The following PXDNL variants were observed in gnomAD, a reference collection of about 807,000 sequenced individuals.
PXDNL encodes the protein probable oxidoreductase PXDNL.
PXDNL carries 145 observed loss-of-function variants against 150.8 expected under a neutral mutation model. The observed-to-expected ratio is 0.96, with a 90% CI of 0.84 to 1.10. PXDNL has a LOEUF of 1.10. Among genes scored for constraint, PXDNL ranks in the 50% least tolerant of loss-of-function variants. PXDNL has a pLI of 0.00. For missense variants in PXDNL, 2,087 were observed against 1,873.9 expected, an observed-to-expected ratio of 1.11 and a Z score of -2.10; for synonymous variants, 757 against 725.7, an observed-to-expected ratio of 1.04 and a Z score of -0.69.
At chr8:51,549,197 T>C (rs1422562581) in intron 4 of PXDNL, among the ~76,000 whole-genome samples, 1 of 151,990 alleles carries the variant, frequency 6.6e-6, no homozygotes, top group African/African-American at 2.4e-5. Context: ...TTACTAGACC[T>C]AAGAAATGAG....
intron 1 of PXDNL, among the ~76,000 whole-genome samples, chr8:51,668,174 C>CTTTTTTTTTTTTT (rs1447281482): frequency 3.2e-4 from 7 of 21,724 alleles, no homozygotes; most frequent in Non-Finnish European, 2.9e-4. Context: ...TTCTCGCTCT[C>CTTTTTTTTTTTTT]TCTTTTTTTT....
chr8:51,365,779 A>C (rs1806896804), intron 19 of PXDNL, among the ~76,000 whole-genome samples: 1 of 152,204 alleles, frequency 6.6e-6, no homozygotes, highest in Non-Finnish European at 1.5e-5. Flanking sequence ...TCACATGCTC[A>C]CCTAAGTGAG....
intron 1 of PXDNL, among the ~76,000 whole-genome samples, chr8:51,727,866 G>C (rs546767131): frequency 2.6e-5 from 4 of 152,288 alleles, no homozygotes; most frequent in Admixed American, 2.0e-4. Context: ...TGCCGGTTTT[G>C]ACTGCTCCCA....
chr8:51,390,944 G>A (rs1807884054), intron 17 of PXDNL, among the ~76,000 whole-genome samples: 1 of 151,608 alleles, frequency 6.6e-6, no homozygotes, highest in Non-Finnish European at 1.5e-5. Context: ...CCCTTCCTGT[G>A]TCCATGTGTT....
At chr8:51,759,588 G>A (rs947011910) in intron 1 of PXDNL, among the ~76,000 whole-genome samples, 12 of 152,226 alleles carry the variant, frequency 7.9e-5, no homozygotes, top group African/African-American at 2.9e-4. Flanking sequence ...CCTCAGGCAA[G>A]AATGACTGAT....
chr8:51,328,142 C>T (rs1180162483), intron 21 of PXDNL, among the ~76,000 whole-genome samples: 2 of 152,230 alleles, frequency 1.3e-5, no homozygotes, highest in African/African-American at 4.8e-5. Context: ...ACTGACTTCT[C>T]CAGCAGATGG....
intron 2 of PXDNL, among the ~76,000 whole-genome samples, chr8:51,606,708 C>T (rs995342961): frequency 1.3e-4 from 20 of 151,840 alleles, no homozygotes; most frequent in Non-Finnish European, 7.4e-5. Flanking sequence ...TATGATATAT[C>T]TTTATCTAAT....
At chr8:51,497,131 C>T (rs1811070489) in intron 5 of PXDNL, among the ~76,000 whole-genome samples, 1 of 152,042 alleles carries the variant, frequency 6.6e-6, no homozygotes, top group Non-Finnish European at 1.5e-5. Context: ...AATAATGCCG[C>T]ATATCTACAA....
intron 2 of PXDNL, among the ~76,000 whole-genome samples, chr8:51,601,151 A>G (rs114036969): frequency 0.011 from 1,717 of 151,710 alleles, 13 homozygotes; most frequent in South Asian, 0.026. Flanking sequence ...CATATGGTCA[A>G]TCTTGGAGTA....
At chr8:51,746,875 C>T (rs1366916210) in intron 1 of PXDNL, among the ~76,000 whole-genome samples, 1 of 151,844 alleles carries the variant, frequency 6.6e-6, no homozygotes, top group Non-Finnish European at 1.5e-5. Flanking sequence ...GTGCACGCCA[C>T]CACACCCAGT....
Position 51,409,423 on chromosome 8 carries a change from C to T in PXDNL, c.2201G>A (p.Cys734Tyr). ...HAKYRAHDGTCNNLQQPTWGA... is the reference protein window; with the variant it reads ...HAKYRAHDGTYNNLQQPTWGA... The stretch of plus-strand genomic sequence containing the variant: ...CCACGTGGGCTGCTGCAGGTTGTTG[C>T]ACGTGCCGTCGTGGGCGCGGTACTT... Residue 734 changes from cysteine (C) to tyrosine (Y), a missense_variant, in exon 17 of 23, where the codon TGC becomes TAC. Coordinates refer to ENST00000356297, the MANE Select transcript of PXDNL (RefSeq NM_144651.5). The T allele has an allele frequency of 6.2e-7, 1 of 1,612,094 alleles. No homozygotes were observed. The highest frequency in any genetic ancestry group is 8.5e-7 in the Non-Finnish European group (1 of 1,179,576).
intron 13 of PXDNL, 37 bp from the exon 14 acceptor site, chr8:51,423,768 G>A (rs1228810723): frequency 1.3e-6 from 2 of 1,564,586 alleles, no homozygotes; most frequent in East Asian, 4.6e-5. Context: ...GAATGAGTGT[G>A]GTTCCTTAAA....
At chr8:51,412,589 A>C (rs1224844434) in intron 15 of PXDNL, among the ~76,000 whole-genome samples, 2 of 152,240 alleles carry the variant, frequency 1.3e-5, no homozygotes, top group Non-Finnish European at 2.9e-5. Context: ...CTTTTTGACC[A>C]CTAACTGCAA....
chr8:51,680,967 C>A (rs1222622863), intron 1 of PXDNL, among the ~76,000 whole-genome samples: 1 of 135,370 alleles, frequency 7.4e-6, no homozygotes, highest in East Asian at 2.2e-4. Flanking sequence ...GGGATTTGCC[C>A]AGAAAAGTCA....
intron 21 of PXDNL, among the ~76,000 whole-genome samples, chr8:51,336,318 T>C (rs1417219878): frequency 6.6e-6 from 1 of 152,244 alleles, no homozygotes; most frequent in Non-Finnish European, 1.5e-5. Context: ...CAGGACTTAC[T>C]GCATCCACAA....
At chr8:51,640,117 A>C (rs1814712986) in intron 2 of PXDNL, among the ~76,000 whole-genome samples, 1 of 152,212 alleles carries the variant, frequency 6.6e-6, no homozygotes, top group Non-Finnish European at 1.5e-5. Context: ...TGATTATCTC[A>C]ATAGATGCAG....
intron 1 of PXDNL, among the ~76,000 whole-genome samples, chr8:51,733,877 T>C (rs1216633192): frequency 6.8e-6 from 1 of 148,012 alleles, no homozygotes; most frequent in Admixed American, 6.8e-5. Context: ...ATATTTTATA[T>C]ATATTACATA....
chr8:51,553,771 T>TATATATATACAC (rs1236843720), intron 4 of PXDNL, among the ~76,000 whole-genome samples: 3 of 63,830 alleles, frequency 4.7e-5, no homozygotes, highest in African/African-American at 2.8e-4. Flanking sequence ...TATATATATA[T>TATATATATACAC]ACACACACTG....
intron 1 of PXDNL, among the ~76,000 whole-genome samples, chr8:51,795,927 C>T (rs548548005): frequency 2.6e-5 from 4 of 152,346 alleles, no homozygotes; most frequent in Admixed American, 2.6e-4. Context: ...AGACATCGTG[C>T]ACCCGCAAAT....
Sources: allele counts gnomAD v4.1 joint callset (sites outside exome capture counted in the v4.1 genomes callset), GRCh38; gene constraint gnomAD v4.1.1; transcripts MANE v1.5; gene names NCBI Gene and HGNC (gene_info 2026-07-23, HGNC 2026-07-21).